The following CCDC12 variants were observed in gnomAD, a reference collection of about 807,000 sequenced individuals.
The protein encoded by CCDC12 is coiled-coil domain containing 12, also known as coiled-coil domain-containing protein 12.
CCDC12 carries 28 observed loss-of-function variants against 25.7 expected under a neutral mutation model. The ratio of observed to expected loss-of-function variants is 1.09; its 90% confidence interval spans 0.81 to 1.50. The LOEUF is 1.50. Among genes scored for constraint, CCDC12 ranks in the 40% most tolerant of loss-of-function variants. The pLI, the probability that CCDC12 is intolerant of heterozygous loss-of-function variation, is 0.00. For missense variants in CCDC12, 198 were observed against 210.0 expected, an observed-to-expected ratio of 0.94 and a Z score of 0.35; for synonymous variants, 75 against 87.7, an observed-to-expected ratio of 0.86 and a Z score of 0.81.
Position 46,923,708 on chromosome 3 carries a change from G to A in CCDC12, c.245-40C>T, listed in dbSNP as rs375028288. On this transcript the variant is annotated intron_variant, in intron 3 of 6. Coordinates refer to ENST00000683445, the MANE Select transcript of CCDC12 (RefSeq NM_001277074.2). ...TAAACAGAGAAGGCCTGTGGAAAAC[G>A]CGCTGCCACTCTGCAGGGACACTGC... is the stretch of plus-strand genomic sequence containing the variant. 8.6e-5 allele frequency: 123 copies of A among 1,436,450 alleles called. 1 individual carries two copies. The highest frequency in any genetic ancestry group is 8.2e-4 in the African/African-American group (57 of 69,888). The allele number at this position is 1,436,450 out of a possible 1,614,324, so 89.0% of individuals were successfully genotyped here.
chr3:46,923,517 GA>G (rs1351411894), intron 4 of CCDC12, 89 bp downstream of exon 4: 6 of 1,473,958 alleles, frequency 4.1e-6, no homozygotes, highest in Non-Finnish European at 5.6e-6. Context: ...GAAGTGACGA[GA>G]AGGAATGGGG....
At chr3:46,958,594 C>T (rs1043012110) in intron 1 of CCDC12, among the ~76,000 whole-genome samples, 1 of 152,186 alleles carries the variant, frequency 6.6e-6, no homozygotes, top group African/African-American at 2.4e-5. Context: ...GGAACAAACG[C>T]ATCCAGCACT....
At chr3:46,931,577 G>A (rs987842072) in intron 2 of CCDC12, among the ~76,000 whole-genome samples, 13 of 132,050 alleles carry the variant, frequency 9.8e-5, no homozygotes, top group African/African-American at 2.4e-4. Flanking sequence ...TATATCTTGA[G>A]GCTACTCCAC....
At chr3:46,974,558 G>A (rs1378178389) in intron 1 of CCDC12, among the ~76,000 whole-genome samples, 1 of 32,250 alleles carries the variant, frequency 3.1e-5, no homozygotes, top group Non-Finnish European at 9.4e-5. Flanking sequence ...TCTGGGACAG[G>A]CAATTTAGGG....
chr3:46,972,902 T>C (rs967286826), intron 1 of CCDC12, among the ~76,000 whole-genome samples: 1 of 152,032 alleles, frequency 6.6e-6, no homozygotes, highest in Non-Finnish European at 1.5e-5. Context: ...CTATGGTGTT[T>C]CCTCAAAAAG....
At chr3:46,947,047 G>A (rs1244899539) in intron 1 of CCDC12, among the ~76,000 whole-genome samples, 2 of 152,156 alleles carry the variant, frequency 1.3e-5, no homozygotes, top group African/African-American at 4.8e-5. Context: ...AGGAACTCAT[G>A]GGTACAGAAA....
At chr3:46,975,278 C>A (rs1271164177) in intron 1 of CCDC12, among the ~76,000 whole-genome samples, 1 of 150,440 alleles carries the variant, frequency 6.6e-6, no homozygotes, top group Non-Finnish European at 1.5e-5. Context: ...CTTTGCCTCC[C>A]AGTTCAAGAA....
intron 1 of CCDC12, among the ~76,000 whole-genome samples, chr3:46,964,240 T>C (rs1410092298): frequency 9.5e-5 from 14 of 148,138 alleles, no homozygotes; most frequent in Non-Finnish European, 1.6e-4. Flanking sequence ...GTCTGAGAAG[T>C]GAGGAGCCCC....
chr3:46,949,221 G>A (rs2034022456), intron 1 of CCDC12, among the ~76,000 whole-genome samples: 1 of 152,334 alleles, frequency 6.6e-6, no homozygotes, highest in Non-Finnish European at 1.5e-5. Flanking sequence ...GGTGTCTACA[G>A]AGGCTTTCCA....
intron 1 of CCDC12, among the ~76,000 whole-genome samples, chr3:46,971,244 T>C (rs984398114): frequency 1.3e-5 from 2 of 152,264 alleles, no homozygotes; most frequent in Admixed American, 1.3e-4. Context: ...CTGCCTGGCT[T>C]TCCCAGAAAA....
intron 1 of CCDC12, among the ~76,000 whole-genome samples, chr3:46,952,517 T>G (rs2034159479): frequency 6.6e-6 from 1 of 152,200 alleles, no homozygotes. Flanking sequence ...TATCTGCACC[T>G]CTGCTTCTCT....
At position 46,922,313 on chromosome 3, in the gene CCDC12, C is replaced by T. The variant is rs866643944; in HGVS notation, c.342-1G>A. 2.5e-6 allele frequency: 4 copies of T among 1,614,108 alleles called. No homozygotes were observed. The highest frequency in any genetic ancestry group is 3.4e-6 in the Non-Finnish European group (4 of 1,180,042). On this transcript the variant is annotated splice_acceptor_variant, in intron 5 of 6. Coordinates refer to ENST00000683445, the MANE Select transcript of CCDC12 (RefSeq NM_001277074.2). LOFTEE classifies it high-confidence loss of function. ...CTTGGCCACATCTCTCTTGAGGTCC[C>T]TGGAGCAGGGAGGCAGGGAGAAGCA...
At position 46,967,727 on chromosome 3, in the gene CCDC12, T is replaced by C. The variant is rs149206001; in HGVS notation, c.96+8910A>G. On this transcript the variant is annotated intron_variant, in intron 1 of 6. Transcript: ENST00000683445. Reference sequence around the variant, plus strand: ...TGTTCATAGCTGTATCCCCAGGGCCTGTCATACAGCTGGTACTCAATAAAT... The same window carrying C: ...TGTTCATAGCTGTATCCCCAGGGCCCGTCATACAGCTGGTACTCAATAAAT... 1.3e-3 allele frequency among the ~76,000 whole-genome samples: 205 copies of C among 152,264 alleles called. 1 individual carries two copies. Among genetic ancestry groups the C allele is most frequent in the African/African-American group, 4.6e-3 (191 of 41,558 alleles).
intron 2 of CCDC12, among the ~76,000 whole-genome samples, chr3:46,937,485 C>T (rs1296142290): frequency 3.3e-5 from 5 of 152,166 alleles, no homozygotes; most frequent in Admixed American, 6.5e-5. Flanking sequence ...AGGCTGTTCT[C>T]GCCTCCCAGC....
At chr3:46,958,878 A>C (rs188633144) in intron 1 of CCDC12, among the ~76,000 whole-genome samples, 29 of 152,340 alleles carry the variant, frequency 1.9e-4, no homozygotes, top group Non-Finnish European at 3.5e-4. Context: ...TGAGCATGAA[A>C]TATACCAGAC....
At chr3:46,932,011 A>G (rs564856658) in intron 2 of CCDC12, among the ~76,000 whole-genome samples, 1 of 152,172 alleles carries the variant, frequency 6.6e-6, no homozygotes, top group Non-Finnish European at 1.5e-5. Context: ...ACAAGGCTTC[A>G]GTTGCTGCTG....
intron 6 of CCDC12, 42 bp from the exon 7 acceptor site, chr3:46,922,181 T>A (rs922732673): frequency 1.1e-5 from 17 of 1,613,646 alleles, no homozygotes; most frequent in Non-Finnish European, 1.4e-5. Flanking sequence ...AGGGGCCCGG[T>A]GCTTGGGCCA....
At chr3:46,965,018 G>A (rs936902346) in intron 1 of CCDC12, among the ~76,000 whole-genome samples, 2 of 151,474 alleles carry the variant, frequency 1.3e-5, no homozygotes, top group Admixed American at 1.3e-4. Context: ...ACTCAGTCAA[G>A]AGGACCATAA....
At chr3:46,935,873 G>T (rs751836467) in intron 2 of CCDC12, among the ~76,000 whole-genome samples, 14 of 152,314 alleles carry the variant, frequency 9.2e-5, no homozygotes, top group Non-Finnish European at 1.6e-4. Context: ...AAGGAATCTG[G>T]ATCTATAGAT....
Sources: gnomAD v4.1 joint callset for allele counts (sites outside exome capture counted in the v4.1 genomes callset) on GRCh38, gnomAD v4.1.1 for gene constraint, MANE v1.5 for transcripts, NCBI Gene and HGNC (gene_info 2026-07-23, HGNC 2026-07-21) for gene names.